ZC3H7B: variants seen among roughly 807,000 people sequenced by gnomAD.
ZC3H7B encodes zinc finger CCCH domain-containing protein 7B.
ZC3H7B carries 35 observed loss-of-function variants against 116.0 expected under a neutral mutation model. That is an observed-to-expected ratio of 0.30 (90% CI 0.23 to 0.40). The LOEUF is 0.40. Ranked by LOEUF, ZC3H7B falls within the 10% of genes least tolerant of loss-of-function variation. The pLI is 1.00. For missense variants in ZC3H7B, 1,011 were observed against 1,321.5 expected (o/e 0.77, Z 3.64); for synonymous variants, 502 against 545.6 (o/e 0.92, Z 1.11).
Position 41,330,111 on chromosome 22 carries a change from G to C in ZC3H7B, c.525+8G>C. The C allele has an allele frequency of 6.2e-7, 1 of 1,613,744 alleles. No individual in the cohort carries two copies. The highest frequency in any genetic ancestry group is 8.5e-7 in the Non-Finnish European group (1 of 1,179,892). On this transcript the variant is annotated splice_region_variant and intron_variant, in intron 6 of 22. Coordinates refer to ENST00000352645, the MANE Select transcript of ZC3H7B (RefSeq NM_017590.6). ...GCGTATAAGAGGCCCCAGGTAGGTG[G>C]GTTCGGGACCCTGGGAGGGTCGGTG...
Position 41,338,461 on chromosome 22 carries a change from G to C in ZC3H7B, c.625+106G>C. 4.0e-6 allele frequency: 5 copies of C among 1,240,708 alleles called. No homozygotes were observed. The highest frequency in any genetic ancestry group is 1.3e-5 in the South Asian group (1 of 76,188). The allele number at this position is 1,240,708 out of a possible 1,614,324, so 76.9% of individuals were successfully genotyped here. A position where few individuals can be genotyped will look rare whatever the true frequency, so the allele number is the denominator to read the frequency against. On this transcript the variant is annotated intron_variant, in intron 8 of 22. Transcript: ENST00000352645. The surrounding 1 kb of genome is among the most constrained non-coding windows in gnomAD (Gnocchi z 4.5). ...CCCTGTAGATGGGAGGGCCTCCGAG[G>C]GGTTCCCCACCCTGGTACTCCCTGA...
intron 4 of ZC3H7B, 134 bp downstream of exon 4, chr22:41,326,052 T>C: frequency 9.4e-7 from 1 of 1,068,916 alleles, no homozygotes; most frequent in Non-Finnish European, 1.3e-6. Flanking sequence ...AGAATTTCAT[T>C]GTCTGTTCTC....
chr22:41,340,252 T>C (rs1231602027), intron 10 of ZC3H7B, 115 bp downstream of exon 10: 4 of 1,139,468 alleles, frequency 3.5e-6, no homozygotes, highest in Non-Finnish European at 4.9e-6. Context: ...CCATCACTCC[T>C]TAGCAATCCC....
intron 1 of ZC3H7B, among the ~76,000 whole-genome samples, chr22:41,306,075 A>C (rs1044454127): frequency 1.3e-5 from 2 of 152,036 alleles, no homozygotes; most frequent in African/African-American, 4.8e-5. Flanking sequence ...GGGATGTATA[A>C]AGAAGAACAG....
At position 41,332,202 on chromosome 22, in the gene ZC3H7B, G is replaced by T. The variant is rs1388695533; in HGVS notation, c.557G>T (p.Gly186Val). Residue 186 changes from glycine to valine, a missense_variant, in exon 7 of 23, where the codon GGC (glycine) becomes GTC (valine). Gly to Val is a moderately radical substitution (Grantham distance 109, BLOSUM62 -3). Transcript: ENST00000352645. ...GAAACCTTTTCTCTGCTCAGTAACG[G>T]CACTGCGGCTGGCGTGGCAGATCAG... The part of the protein sequence containing the change: ...ELETFSLLSN[G>V]TAAGVADQGT... The T allele has an allele frequency of 1.2e-6, 2 of 1,614,066 alleles. No homozygotes were observed. Among genetic ancestry groups the T allele is most frequent in the Non-Finnish European group, 1.7e-6 (2 of 1,180,032 alleles).
chr22:41,309,008 C>CTTTGTTTTTTTTTT (rs2036082771), intron 1 of ZC3H7B, among the ~76,000 whole-genome samples: 1 of 103,302 alleles, frequency 9.7e-6, no homozygotes, highest in Non-Finnish European at 1.9e-5. Flanking sequence ...TCCCAGTCTG[C>CTTTGTTTTTTTTTT]TTTTTTTTTT....
Position 41,356,449 on chromosome 22 carries a change from G to C in ZC3H7B, c.2490G>C (p.Gln830His). 1.9e-6 allele frequency: 3 copies of C among 1,614,136 alleles called. No individual in the cohort carries two copies. Among genetic ancestry groups the C allele is most frequent in the South Asian group, 2.2e-5 (2 of 91,086 alleles). ...CTCGGGAAGGGGAGAAGCAGATCCA[G>C]ATGCCCACGGACTACGCGGACATCA... ...ISSREGEKQI[Q>H]MPTDYADIMM... Residue 830 changes from glutamine to histidine, a missense_variant, in exon 21 of 23, where the codon CAG (glutamine) becomes CAC (histidine). Gln to His is a conservative substitution (Grantham distance 24). This residue lies in a region of ZC3H7B where 406 missense variants were observed against 590.2 expected (regional missense o/e 0.69). Transcript: ENST00000352645.
At chr22:41,318,634 A>G (rs1271593702) in intron 1 of ZC3H7B, among the ~76,000 whole-genome samples, 3 of 151,832 alleles carry the variant, frequency 2.0e-5, no homozygotes, top group African/African-American at 7.3e-5. Context: ...CTGTGATCTC[A>G]GCTGCTTGGG....
intron 10 of ZC3H7B, 85 bp from the exon 11 acceptor site, chr22:41,341,003 C>A: frequency 1.5e-6 from 2 of 1,354,216 alleles, no homozygotes; most frequent in South Asian, 2.5e-5. Flanking sequence ...TTCTCCGAGT[C>A]AGCAATACAT....
chr22:41,306,934 C>T (rs912256572), intron 1 of ZC3H7B, among the ~76,000 whole-genome samples: 1 of 150,218 alleles, frequency 6.7e-6, no homozygotes, highest in Non-Finnish European at 1.5e-5. Context: ...ATGGGCTGTG[C>T]GTCAGCCCCC....
At chr22:41,316,275 A>G (rs1015155296) in intron 1 of ZC3H7B, among the ~76,000 whole-genome samples, 6 of 148,856 alleles carry the variant, frequency 4.0e-5, no homozygotes, top group Admixed American at 2.7e-4. Flanking sequence ...TTATAGGAGT[A>G]AGCCACCATG....
At chr22:41,331,121 T>TG (rs2036376975) in intron 6 of ZC3H7B, among the ~76,000 whole-genome samples, 1 of 142,662 alleles carries the variant, frequency 7.0e-6, no homozygotes, top group South Asian at 2.6e-4. Context: ...CCTCCCAAAG[T>TG]GCTGGGATTA....
At chr22:41,326,997 C>G (rs1226139857) in intron 4 of ZC3H7B, among the ~76,000 whole-genome samples, 1 of 152,252 alleles carries the variant, frequency 6.6e-6, no homozygotes, top group Non-Finnish European at 1.5e-5. Context: ...GCCCCATCAG[C>G]TGGACACACA....
chr22:41,355,498 C>A lies in ZC3H7B; in HGVS notation c.2064C>A (p.Thr688=). The A allele has an allele frequency of 6.2e-7, 1 of 1,614,174 alleles. No homozygotes were observed. The highest frequency in any genetic ancestry group is 1.1e-5 in the South Asian group (1 of 91,084). Reference sequence around the variant, plus strand: ...CTCCGAGGACACATGGGCCCAGCACCTTTGACCTGCAGATGAAGTTTGTAT... The same window carrying A: ...CTCCGAGGACACATGGGCCCAGCACATTTGACCTGCAGATGAAGTTTGTAT... ...MGAPRTHGPS[T]FDLQMKFVCG... Residue 688 remains threonine (T), a synonymous_variant, in exon 18 of 23, where the codon ACC becomes ACA. Coordinates refer to ENST00000352645, the MANE Select transcript of ZC3H7B (RefSeq NM_017590.6).
At chr22:41,313,932 T>A (rs1056205408) in intron 1 of ZC3H7B, among the ~76,000 whole-genome samples, 3 of 151,562 alleles carry the variant, frequency 2.0e-5, no homozygotes, top group East Asian at 1.9e-4. Flanking sequence ...TTTTTCGTAT[T>A]TTTGTAGGGA....
rs552711516 is a variant in ZC3H7B at position 41,356,535 on chromosome 22, C to G, written c.2517+59C>G. 2.5e-6 allele frequency: 4 copies of G among 1,610,466 alleles called. No individual in the cohort carries two copies. The South Asian group carries it at 4.4e-5, about 18-fold the overall frequency. On this transcript the variant is annotated intron_variant, in intron 21 of 22. Transcript: ENST00000352645. ...GTCGGGGCTGTGGTCTGAGCCTCAC[C>G]TGGGAGGGGCAGCCTGGAGGGCCCA...
chr22:41,319,098 A>G (rs981231151), intron 1 of ZC3H7B, among the ~76,000 whole-genome samples: 1 of 152,032 alleles, frequency 6.6e-6, no homozygotes, highest in African/African-American at 2.4e-5. Flanking sequence ...GTGAAACCCC[A>G]TCTGTACTAA....
intron 6 of ZC3H7B, among the ~76,000 whole-genome samples, chr22:41,330,961 C>T (rs1197013497): frequency 6.8e-6 from 1 of 147,044 alleles, no homozygotes; most frequent in Non-Finnish European, 1.5e-5. Context: ...CTCCGCCTCC[C>T]GGGTTCACGC....
Position 41,356,804 on chromosome 22 carries a change from G to A in ZC3H7B, c.2677G>A (p.Asp893Asn), listed in dbSNP as rs1196321450. 1.1e-5 allele frequency: 17 copies of A among 1,613,204 alleles called. No individual in the cohort carries two copies. Among genetic ancestry groups the A allele is most frequent in the African/African-American group, 6.7e-5 (5 of 74,940 alleles). ...RFPMGEFRLC[D>N]RLQKGKACPD... The stretch of plus-strand genomic sequence containing the variant: ...CCCCATGGGCGAGTTCCGGCTCTGC[G>A]ACAGGTGCTCCTGGGAGGGCAGGGC... Residue 893 changes from aspartate to asparagine, a missense_variant, in exon 22 of 23, where the codon GAC (aspartate) becomes AAC (asparagine). By Grantham distance (23) the Asp-to-Asn change is conservative. Around this residue, in one of 5 missense-constraint regions of ZC3H7B, gnomAD observed 406 missense variants for 590.2 expected, o/e 0.69. Coordinates refer to ENST00000352645, the MANE Select transcript of ZC3H7B (RefSeq NM_017590.6).
Sources: allele counts gnomAD v4.1 joint callset (sites outside exome capture counted in the v4.1 genomes callset), GRCh38; gene constraint gnomAD v4.1.1; regional missense constraint gnomAD v4.1.1; non-coding constraint Gnocchi (gnomAD v3.1); transcripts MANE v1.5; gene names NCBI Gene and HGNC (gene_info 2026-07-23, HGNC 2026-07-21).